KIF7: variants seen among roughly 807,000 people sequenced by gnomAD.
KIF7 encodes kinesin-like protein KIF7.
KIF7 carries 104 observed loss-of-function variants against 135.7 expected under a neutral mutation model. The observed-to-expected ratio is 0.77, with a 90% CI of 0.65 to 0.90. KIF7 has a LOEUF of 0.90. KIF7 is among the 40% of genes least tolerant of loss of function. The pLI is 0.00. For missense variants in KIF7, 2,005 were observed against 1,839.1 expected, an observed-to-expected ratio of 1.09 and a Z score of -1.65; for synonymous variants, 883 against 809.4, an observed-to-expected ratio of 1.09 and a Z score of -1.54.
At position 89,632,808 on chromosome 15, in the gene KIF7, G is replaced by A; in HGVS notation, c.2895+12C>T. 1 of 1,600,100 alleles carries A rather than the reference G, an allele frequency of 6.2e-7. No individual in the cohort carries two copies. The highest frequency in any genetic ancestry group is 8.5e-7 in the Non-Finnish European group (1 of 1,178,264). On this transcript the variant is annotated intron_variant, in intron 14 of 18. Transcript: ENST00000394412. ...ACCTCACCTGGCAGGATCTCTCCTGGCAGGGCCTCACCTGGCTGGATCTCA... is the reference window on the plus strand; with the variant it reads ...ACCTCACCTGGCAGGATCTCTCCTGACAGGGCCTCACCTGGCTGGATCTCA...
Position 89,628,505 on chromosome 15 carries a change from A to G in KIF7, c.3946T>C (p.Trp1316Arg). Residue 1316 changes from tryptophan (W) to arginine (R), a missense_variant, in exon 19 of 19, where the codon TGG becomes CGG. Physicochemically the swap from Trp to Arg is moderately radical, Grantham distance 101. Transcript: ENST00000394412. ...VLPVGEAGLP[W>R]NFGPLSKPRR... ...GGCTTGGACAAAGGCCCAAAGTTCC[A>G]GGGCAGGCCTGCCTCACCCACAGGA... The G allele has an allele frequency of 6.2e-7, 1 of 1,612,774 alleles. No individual in the cohort carries two copies. The highest frequency in any genetic ancestry group is 8.5e-7 in the Non-Finnish European group (1 of 1,179,756).
intron 6 of KIF7, 112 bp from the exon 7 acceptor site, chr15:89,647,169 G>T: frequency 1.1e-6 from 1 of 944,090 alleles, no homozygotes; most frequent in Non-Finnish European, 1.6e-6. Flanking sequence ...CTGAAAATGA[G>T]GAGTGTCAAA....
chr15:89,648,226 A>G (rs1403752094), intron 5 of KIF7, 29 bp downstream of exon 5: 18 of 1,475,840 alleles, frequency 1.2e-5, no homozygotes, highest in Non-Finnish European at 1.6e-5. Context: ...ACTGCCCACA[A>G]CCACAACCAC....
intron 4 of KIF7, 61 bp from the exon 5 acceptor site, chr15:89,648,835 C>A: frequency 6.7e-7 from 1 of 1,486,746 alleles, no homozygotes; most frequent in Non-Finnish European, 8.9e-7. Context: ...GGCCAGCGGG[C>A]CAGACCTGGG....
At chr15:89,625,512 C>G (rs758424495), downstream of KIF7, 43 of 1,613,780 alleles carry the variant, frequency 2.7e-5, no homozygotes, top group East Asian at 4.5e-5. Flanking sequence ...GGACGCCCAT[C>G]TTGGAGGATT....
downstream of KIF7, chr15:89,626,191 C>T (rs750296872): frequency 1.8e-5 from 18 of 973,098 alleles, no homozygotes; most frequent in Middle Eastern, 2.3e-4. Flanking sequence ...TTCGCGCCTA[C>T]AGCGTCATGT....
chr15:89,626,911 G>C, downstream of KIF7: 1 of 1,595,910 alleles, frequency 6.3e-7, no homozygotes, highest in Non-Finnish European at 8.6e-7. Context: ...TTTCAGTTCG[G>C]TCCTCTGTGA....
intron 1 of KIF7, chr15:89,621,254 C>T: frequency 1.3e-6 from 1 of 757,058 alleles, no homozygotes; most frequent in East Asian, 2.9e-5. Flanking sequence ...CTCCTGACCT[C>T]AGACCATCCA....
chr15:89,649,289 C>G lies in KIF7; in HGVS notation c.608G>C (p.Arg203Pro). 6.7e-7 allele frequency: 1 copy of G among 1,501,814 alleles called. No individual in the cohort carries two copies. Among genetic ancestry groups the G allele is most frequent in the Non-Finnish European group, 8.9e-7 (1 of 1,120,610 alleles). 93.0% of individuals were successfully genotyped at this position (1,501,814 alleles called of 1,614,324 possible). ...LSLLEMGNAA[R>P]HTGATHLNHL... is the part of the protein sequence containing the mutation. Reference sequence around the variant, plus strand: ...GTTGAGGTGCGTGGCTCCCGTGTGCCGCGCCGCGTTGCCCATCTCCAGGAG... The same window carrying G: ...GTTGAGGTGCGTGGCTCCCGTGTGCGGCGCCGCGTTGCCCATCTCCAGGAG... Residue 203 changes from arginine to proline, a missense_variant, in exon 4 of 19, where the codon CGG becomes CCG. Coordinates refer to ENST00000394412, the MANE Select transcript of KIF7 (RefSeq NM_198525.3).
intron 1 of KIF7, chr15:89,619,834 A>C: frequency 6.2e-7 from 1 of 1,611,680 alleles, no homozygotes; most frequent in Non-Finnish European, 8.5e-7. Flanking sequence ...TTCCAGCAAG[A>C]TAAGTCAGGT....
In KIF7 at chr15:89,646,036, T is replaced by G. The variant is rs747897799; in HGVS notation, c.1789-10A>C. The G allele has an allele frequency of 1.2e-6, 2 of 1,613,162 alleles. No individual in the cohort carries two copies. Among genetic ancestry groups the G allele is most frequent in the African/African-American group, 2.7e-5 (2 of 74,778 alleles). The stretch of plus-strand genomic sequence containing the variant: ...TGCCATTTGTCACCTGCTAGGGGAG[T>G]GAGCCATTTCCCATCCCAAGTCATC... On this transcript the variant is annotated splice_polypyrimidine_tract_variant and intron_variant, in intron 7 of 18. Coordinates refer to ENST00000394412, the MANE Select transcript of KIF7 (RefSeq NM_198525.3).
chr15:89,659,827 G>A (rs565357134), upstream of KIF7, among the ~76,000 whole-genome samples: 60 of 152,278 alleles, frequency 3.9e-4, no homozygotes, highest in African/African-American at 1.4e-3. Flanking sequence ...TTATCATTTA[G>A]GAATCCCACT....
At chr15:89,642,480 G>A in intron 10 of KIF7, 75 bp from the exon 11 acceptor site, 1 of 1,360,500 alleles carries the variant, frequency 7.4e-7, no homozygotes, top group Non-Finnish European at 1.0e-6. Context: ...CCCCTGGGAG[G>A]TTTCCCAGCC....
downstream of KIF7, chr15:89,625,906 C>T (rs370563790): frequency 3.6e-5 from 55 of 1,545,932 alleles, no homozygotes; most frequent in African/African-American, 1.8e-4. Flanking sequence ...GGTCTGGGGA[C>T]GCTGCTCTTA....
downstream of KIF7, chr15:89,627,135 G>A (rs1431049237): frequency 6.2e-7 from 1 of 1,607,358 alleles, no homozygotes; most frequent in Non-Finnish European, 8.5e-7. Context: ...CCAGGACCCT[G>A]TGGACATAAA....
rs1420854824 is a variant in KIF7, at chr15:89,652,879, C to T, written c.52G>A (p.Val18Ile). ...AGCAGTGGTCGAACTCGCAGGGCAA[C>T]CCGCACTGGGGCCTCCTCAGCCCCT... ...LPGAEEAPVRVALRVRPLLPK... is the reference protein window; with the variant it reads ...LPGAEEAPVRIALRVRPLLPK... The change falls in exon 2 of 19, where the codon GTT (valine) becomes ATT (isoleucine). Residue 18 changes from valine to isoleucine, a missense_variant. Physicochemically the swap from Val to Ile is conservative, Grantham distance 29 (BLOSUM62 3). Transcript: ENST00000394412. The T allele has an allele frequency of 4.5e-6, 7 of 1,543,096 alleles. No individual in the cohort carries two copies. Among genetic ancestry groups the T allele is most frequent in the Middle Eastern group, 1.7e-4 (1 of 5,776 alleles).
chr15:89,645,755 C>G (rs905478153), intron 8 of KIF7, 138 bp downstream of exon 8: 54 of 1,228,048 alleles, frequency 4.4e-5, no homozygotes, highest in Non-Finnish European at 5.2e-5. Flanking sequence ...CAGGGGCTGG[C>G]CAGGGCAACA....
chr15:89,634,659 A>C (rs935780438), intron 11 of KIF7, among the ~76,000 whole-genome samples: 2 of 152,226 alleles, frequency 1.3e-5, no homozygotes, highest in Admixed American at 6.5e-5. Context: ...TATCCCGCAC[A>C]TGGCTCAGAG....
At chr15:89,627,465 A>G (rs1208159018), downstream of KIF7, 1 of 224,698 alleles carries the variant, frequency 4.5e-6, no homozygotes, top group East Asian at 1.1e-4. Flanking sequence ...GAGCTGCTGT[A>G]AGGCTGGGCT....
Sources: gnomAD v4.1 joint callset for allele counts (sites outside exome capture counted in the v4.1 genomes callset) on GRCh38, gnomAD v4.1.1 for gene constraint, MANE v1.5 for transcripts, NCBI Gene and HGNC (gene_info 2026-07-23, HGNC 2026-07-21) for gene names.